CPVL: variants seen among roughly 807,000 people sequenced by gnomAD.
The protein encoded by CPVL is carboxypeptidase vitellogenic like, also known as probable serine carboxypeptidase CPVL.
Under a neutral mutation model 63.7 loss-of-function variants are expected in CPVL, and 51 were observed. The observed-to-expected ratio is 0.80, with a 90% CI of 0.64 to 1.01. The LOEUF (loss-of-function observed/expected upper bound fraction) is 1.01, where lower values mean the gene tolerates loss of function less well. Ranked by LOEUF, CPVL falls within the 50% of genes least tolerant of loss-of-function variation. The pLI is 0.00. For synonymous variants in CPVL, 195 were observed against 206.0 expected (o/e 0.95, Z 0.46); for missense variants, 530 against 573.1 (o/e 0.92, Z 0.77).
chr7:29,088,001 T>A (rs1162590201), intron 6 of CPVL, among the ~76,000 whole-genome samples: 1 of 152,172 alleles, frequency 6.6e-6, no homozygotes, highest in Non-Finnish European at 1.5e-5. Flanking sequence ...CACCCTTCCC[T>A]CTCCAACCTT....
chr7:29,024,918 C>T (rs570836787), intron 12 of CPVL, among the ~76,000 whole-genome samples: 5 of 152,264 alleles, frequency 3.3e-5, no homozygotes, highest in Admixed American at 2.6e-4. Context: ...ACTGGCTTCT[C>T]ATAAATGAGA....
At chr7:29,069,609 C>G (rs1783519929) in intron 9 of CPVL, among the ~76,000 whole-genome samples, 1 of 152,066 alleles carries the variant, frequency 6.6e-6, no homozygotes, top group Admixed American at 6.5e-5. Context: ...CTAAGACGAT[C>G]CAGGATTTTT....
upstream of CPVL, among the ~76,000 whole-genome samples, chr7:29,149,189 C>CCT (rs1554348023): frequency 1.0e-5 from 1 of 100,340 alleles, no homozygotes; most frequent in Non-Finnish European, 1.8e-5. Flanking sequence ...GTCTGTTTCC[C>CCT]TTTTTTTTTT....
intron 12 of CPVL, among the ~76,000 whole-genome samples, chr7:29,024,018 G>C (rs1787255930): frequency 6.6e-6 from 1 of 151,946 alleles, no homozygotes; most frequent in African/African-American, 2.4e-5. Context: ...GACATATCTG[G>C]TAAAGATTTC....
chr7:29,119,707 T>G (rs780346081), intron 2 of CPVL, among the ~76,000 whole-genome samples: 1 of 152,190 alleles, frequency 6.6e-6, no homozygotes, highest in Non-Finnish European at 1.5e-5. Context: ...CTCTGTAAGT[T>G]GGGTAAGTTG....
chr7:29,123,810 T>C (rs1789691523), intron 1 of CPVL, among the ~76,000 whole-genome samples: 1 of 150,764 alleles, frequency 6.6e-6, no homozygotes, highest in Non-Finnish European at 1.5e-5. Context: ...TGGAAGCCAT[T>C]AATATTTAAA....
At chr7:29,056,181 C>T (rs1562744606) in intron 11 of CPVL, among the ~76,000 whole-genome samples, 1 of 152,224 alleles carries the variant, frequency 6.6e-6, no homozygotes, top group South Asian at 2.1e-4. Context: ...CAAAGCTACA[C>T]TGAAACATCA....
chr7:29,028,395 A>G lies in CPVL; in HGVS notation c.1320+2182T>C, dbSNP rs565670636. On this transcript the variant is annotated intron_variant, in intron 12 of 12. Transcript: ENST00000265394. ...GACTCAAAATGATAAAACCACTAGA[A>G]GAAAACAGGGGAAACACTTTAGGAC... is the stretch of plus-strand genomic sequence containing the variant. Among the ~76,000 whole-genome samples the G allele has an allele frequency of 3.7e-4, 56 of 152,356 alleles. 1 individual carries two copies. The highest frequency in any genetic ancestry group is 2.7e-3 in the Admixed American group (42 of 15,302).
chr7:29,176,208 G>GA (rs1234971475), intron 5 of CPVL, among the ~76,000 whole-genome samples: 1 of 150,400 alleles, frequency 6.6e-6, no homozygotes, highest in Non-Finnish European at 1.5e-5. Context: ...ACAGATAAAA[G>GA]AAAAAAAAGA....
At chr7:29,162,724 C>T (rs189466704) in intron 5 of CPVL, among the ~76,000 whole-genome samples, 100 of 149,700 alleles carry the variant, frequency 6.7e-4, no homozygotes, top group African/African-American at 2.4e-3. Context: ...AAGGATTACA[C>T]ATTGTATGAT....
chr7:29,071,939 A>T, intron 8 of CPVL, 35 bp from the exon 9 acceptor site: 1 of 1,611,852 alleles, frequency 6.2e-7, no homozygotes, highest in Non-Finnish European at 8.5e-7. Context: ...AATGTGACAA[A>T]GGGAGAGAAA....
intron 5 of CPVL, among the ~76,000 whole-genome samples, chr7:29,174,627 G>A (rs188595778): frequency 9.9e-5 from 15 of 152,256 alleles, no homozygotes; most frequent in Admixed American, 2.0e-4. Context: ...TTGGGAGGCC[G>A]ACTTGGGCGG....
At chr7:29,095,267 G>A in intron 4 of CPVL, 125 bp from the exon 5 acceptor site, 1 of 746,500 alleles carries the variant, frequency 1.3e-6, no homozygotes, top group Non-Finnish European at 2.4e-6. Flanking sequence ...CTCTAACAGT[G>A]CTGCACACTC....
chr7:28,998,750 C>T (rs1280828204), intron 12 of CPVL, among the ~76,000 whole-genome samples: 1 of 151,940 alleles, frequency 6.6e-6, no homozygotes, highest in Non-Finnish European at 1.5e-5. Context: ...CTACAGTGAG[C>T]TGACTGAGCC....
At chr7:29,047,226 C>T (rs11983838) in intron 11 of CPVL, among the ~76,000 whole-genome samples, 173 of 152,076 alleles carry the variant, frequency 1.1e-3, no homozygotes, top group African/African-American at 4.1e-3. Flanking sequence ...GCAAAGGGAG[C>T]CATTTGCATT....
chr7:29,063,702 C>G (rs572037044), intron 11 of CPVL, among the ~76,000 whole-genome samples: 6 of 152,244 alleles, frequency 3.9e-5, no homozygotes, highest in Admixed American at 2.6e-4. Flanking sequence ...TCCCAAGTAG[C>G]TGGGATTACA....
At chr7:29,025,220 TA>T (rs1231897869) in intron 12 of CPVL, among the ~76,000 whole-genome samples, 1 of 133,920 alleles carries the variant, frequency 7.5e-6, no homozygotes, top group South Asian at 2.3e-4. Flanking sequence ...CTGGGTAATT[TA>T]TAAAGGAAAG....
At chr7:29,123,685 G>A (rs1789669317) in intron 1 of CPVL, among the ~76,000 whole-genome samples, 1 of 90,140 alleles carries the variant, frequency 1.1e-5, no homozygotes, top group South Asian at 4.1e-4. Flanking sequence ...AATGGAAGAA[G>A]CTCTTCCAGT....
In CPVL at chr7:29,064,262, A is replaced by G. The variant is rs761891241; in HGVS notation, c.964-28T>C. ...GGCAGAAGGGGCATTGGAAAGACAT[A>G]GGGAACATGATTGGTGGCAGGAACA... is the stretch of plus-strand genomic sequence containing the variant. On this transcript the variant is annotated intron_variant, in intron 10 of 12. Coordinates refer to ENST00000265394, the MANE Select transcript of CPVL (RefSeq NM_031311.5). 1.2e-5 allele frequency: 17 copies of G among 1,433,754 alleles called. No individual in the cohort carries two copies. The East Asian group carries it at 3.4e-4, about 29-fold the overall frequency. 88.8% of individuals were successfully genotyped at this position (1,433,754 alleles called of 1,614,324 possible). A position where few individuals can be genotyped will look rare whatever the true frequency, so the allele number is the denominator to read the frequency against.
Sources: allele counts gnomAD v4.1 joint callset (sites outside exome capture counted in the v4.1 genomes callset), GRCh38; gene constraint gnomAD v4.1.1; transcripts MANE v1.5; gene names NCBI Gene and HGNC (gene_info 2026-07-23, HGNC 2026-07-21).